Variants in GNL2 observed in about 807,000 individuals in gnomAD.
The protein encoded by GNL2 is G protein nucleolar 2.
Under a neutral mutation model 92.3 loss-of-function variants are expected in GNL2, and 51 were observed. The observed-to-expected ratio is 0.55, with a 90% CI of 0.44 to 0.70. The LOEUF is 0.70. Among genes scored for constraint, GNL2 ranks in the 30% least tolerant of loss-of-function variants. The pLI is 0.00. For synonymous variants in GNL2, 283 were observed against 300.6 expected, an observed-to-expected ratio of 0.94 and a Z score of 0.61; for missense variants, 844 against 895.6, an observed-to-expected ratio of 0.94 and a Z score of 0.74.
At chr1:37,595,577 C>G (rs894564277) in intron 1 of GNL2, among the ~76,000 whole-genome samples, 182 bp downstream of exon 1, 16 of 152,346 alleles carry the variant, frequency 1.1e-4, no homozygotes, top group African/African-American at 3.8e-4. Context: ...TCAGTTCCCC[C>G]CTGAGAAGAA....
chr1:37,569,463 A>G, intron 12 of GNL2, 161 bp from the exon 13 acceptor site: 1 of 601,072 alleles, frequency 1.7e-6, no homozygotes, highest in Non-Finnish European at 2.9e-6. Context: ...TTTTAAACCA[A>G]TGTACATTAA....
intron 15 of GNL2, 90 bp from the exon 16 acceptor site, chr1:37,567,097 G>T: frequency 1.5e-6 from 2 of 1,351,070 alleles, no homozygotes; most frequent in Non-Finnish European, 2.1e-6. Context: ...TCTCATCTCT[G>T]TGTTCTATTT....
chr1:37,590,713 C>G lies in GNL2; in HGVS notation c.377G>C (p.Arg126Pro), dbSNP rs755654888. 4 of 1,613,142 alleles carry G rather than the reference C, an allele frequency of 2.5e-6. No individual in the cohort carries two copies. In the South Asian group the frequency reaches 3.3e-5, roughly 13 times the overall value. Reference protein sequence around the residue: ...LPMSLLHDRIRPHNLKVHILD... With the variant: ...LPMSLLHDRIPPHNLKVHILD... ...GGATATCCTACATCTTACATGAGGC[C>G]GGATTCGATCATGGAGAAGAGACAT... is the stretch of plus-strand genomic sequence containing the variant. The change falls in exon 4 of 16, where the codon CGG becomes CCG. Residue 126 changes from arginine (R) to proline (P), a missense_variant. Physicochemically the swap from Arg to Pro is moderately radical, Grantham distance 103. Coordinates refer to ENST00000373062, the MANE Select transcript of GNL2 (RefSeq NM_013285.3).
At chr1:37,593,953 C>G in intron 1 of GNL2, 107 bp from the exon 2 acceptor site, 1 of 696,750 alleles carries the variant, frequency 1.4e-6, no homozygotes, top group Non-Finnish European at 2.4e-6. Context: ...AGGTAAGAAG[C>G]CACCAACCAC....
rs186788161 is a variant in GNL2, at chr1:37,575,520, A to G, written c.1143+75T>C. On this transcript the variant is annotated intron_variant, in intron 10 of 15. Coordinates refer to ENST00000373062, the MANE Select transcript of GNL2 (RefSeq NM_013285.3). The surrounding 1 kb of genome is among the most constrained non-coding windows in gnomAD (Gnocchi z 4.1). Reference sequence around the variant, plus strand: ...CCAAACTGCCTTCTTAATAAGTAAAAAGGAAAGGTATCCAGGGTTCCCTAT... The same window carrying G: ...CCAAACTGCCTTCTTAATAAGTAAAGAGGAAAGGTATCCAGGGTTCCCTAT... 783 of 817,750 alleles carry G rather than the reference A, an allele frequency of 9.6e-4. 1 individual carries two copies. Among genetic ancestry groups the G allele is most frequent in the Middle Eastern group, 9.5e-3 (40 of 4,198 alleles). The allele number at this position is 817,750 out of a possible 1,614,324, so 50.7% of individuals were successfully genotyped here. A position where few individuals can be genotyped will look rare whatever the true frequency, so the allele number is the denominator to read the frequency against.
intron 14 of GNL2, 32 bp downstream of exon 14, chr1:37,568,243 A>G (rs749371927): frequency 7.5e-7 from 1 of 1,333,114 alleles, no homozygotes; most frequent in East Asian, 2.3e-5. Context: ...TATGCAAATT[A>G]CATCTAAATG....
At chr1:37,576,378 T>A in intron 9 of GNL2, 50 bp downstream of exon 9, 1 of 1,559,998 alleles carries the variant, frequency 6.4e-7, no homozygotes, top group South Asian at 1.2e-5. Flanking sequence ...ACAATCACTC[T>A]CTATGAAAAG....
intron 5 of GNL2, among the ~76,000 whole-genome samples, chr1:37,585,672 C>T (rs1643840060): frequency 6.6e-6 from 1 of 152,104 alleles, no homozygotes; most frequent in African/African-American, 2.4e-5. Flanking sequence ...TCAAATAATT[C>T]TAAGAACAAA....
At chr1:37,567,645 G>T in intron 15 of GNL2, 28 bp downstream of exon 15, 1 of 1,404,354 alleles carries the variant, frequency 7.1e-7, no homozygotes, top group Non-Finnish European at 1.0e-6. Context: ...ACTCTACTTG[G>T]GCCATACTTA....
chr1:37,581,748 T>C (rs1378292164), intron 8 of GNL2, among the ~76,000 whole-genome samples: 4 of 152,176 alleles, frequency 2.6e-5, no homozygotes, highest in African/African-American at 9.7e-5. Context: ...CACGGCAAAC[T>C]CCGCCTCCCA....
rs767334584 is a variant in GNL2 at position 37,593,804 on chromosome 1, G to A, written c.107C>T (p.Ala36Val). ...ATACATATTCAGGCGCCGGATGGTGGCCCGGTCCCTCATGTTTTGGCCTCC... is the reference window on the plus strand; with the variant it reads ...ATACATATTCAGGCGCCGGATGGTGACCCGGTCCCTCATGTTTTGGCCTCC... The part of the protein sequence containing the change: ...GAGGQNMRDR[A>V]TIRRLNMYRQ... The change falls in exon 2 of 16, where the codon GCC becomes GTC. Residue 36 changes from alanine (A) to valine (V), a missense_variant. By Grantham distance (64) the Ala-to-Val change is moderately conservative. Coordinates refer to ENST00000373062, the MANE Select transcript of GNL2 (RefSeq NM_013285.3). 2 of 1,613,912 alleles carry A rather than the reference G, an allele frequency of 1.2e-6. No homozygotes were observed. The highest frequency in any genetic ancestry group is 1.7e-6 in the Non-Finnish European group (2 of 1,179,876).
intron 11 of GNL2, 92 bp from the exon 12 acceptor site, chr1:37,574,548 ATCACT>A: frequency 7.2e-7 from 1 of 1,392,564 alleles, no homozygotes; most frequent in Non-Finnish European, 1.0e-6. Context: ...GGGGTTCATC[ATCACT>A]TAAGTGACAA....
At chr1:37,584,221 G>T (rs1249916268) in intron 5 of GNL2, among the ~76,000 whole-genome samples, 1 of 152,070 alleles carries the variant, frequency 6.6e-6, no homozygotes. Flanking sequence ...GGCCAAGGAG[G>T]GCAGACTGCT....
At chr1:37,577,434 C>T (rs1177312364) in intron 8 of GNL2, among the ~76,000 whole-genome samples, 1 of 152,134 alleles carries the variant, frequency 6.6e-6, no homozygotes, top group Non-Finnish European at 1.5e-5. Context: ...ACATGCTAAC[C>T]CCGTTCCCTC....
At chr1:37,589,889 G>A (rs564410944) in intron 4 of GNL2, among the ~76,000 whole-genome samples, 2 of 152,228 alleles carry the variant, frequency 1.3e-5, no homozygotes, top group African/African-American at 2.4e-5. Context: ...CTGAACGTAC[G>A]CAACACCAAA....
At chr1:37,580,827 A>T (rs1643755423) in intron 8 of GNL2, among the ~76,000 whole-genome samples, 1 of 152,250 alleles carries the variant, frequency 6.6e-6, no homozygotes, top group Admixed American at 6.5e-5. Flanking sequence ...AGCTTCGATC[A>T]GAAAGGAATT....
chr1:37,567,401 A>G (rs1273754314), intron 15 of GNL2, among the ~76,000 whole-genome samples: 1 of 152,166 alleles, frequency 6.6e-6, no homozygotes, highest in Non-Finnish European at 1.5e-5. Context: ...AGATCTGCTC[A>G]TTGGGTCGTT....
At position 37,590,794 on chromosome 1, in the gene GNL2, A is replaced by G. The variant is rs193255416; in HGVS notation, c.296T>C (p.Met99Thr). 2 of 1,602,136 alleles carry G rather than the reference A, an allele frequency of 1.2e-6. No individual in the cohort carries two copies. The highest frequency in any genetic ancestry group is 3.5e-5 in the Admixed American group (2 of 57,884). The change falls in exon 4 of 16, where the codon ATG becomes ACG. Residue 99 changes from methionine to threonine, a missense_variant. Coordinates refer to ENST00000373062, the MANE Select transcript of GNL2 (RefSeq NM_013285.3). ...GTATGGATCCTTCATAACTGTATCC[A>G]TTTCCTCTTGAAATTTTTGTAATGA... ...QSSLQKFQEEMDTVMKDPYKV... is the reference protein window; with the variant it reads ...QSSLQKFQEETDTVMKDPYKV...
chr1:37,568,215 G>T, intron 14 of GNL2, 60 bp downstream of exon 14: 1 of 1,064,230 alleles, frequency 9.4e-7, no homozygotes, highest in Non-Finnish European at 1.5e-6. Flanking sequence ...CTGAACTTAG[G>T]TTTCTCAAAA....
Sources: gnomAD v4.1 joint callset for allele counts (sites outside exome capture counted in the v4.1 genomes callset) on GRCh38, gnomAD v4.1.1 for gene constraint, Gnocchi (gnomAD v3.1) non-coding constraint, MANE v1.5 for transcripts, NCBI Gene and HGNC (gene_info 2026-07-23, HGNC 2026-07-21) for gene names.